Variants in NPAS3 observed in about 807,000 individuals in gnomAD.
NPAS3 encodes the protein neuronal PAS domain-containing protein 3.
A neutral mutation model predicts 73.1 loss-of-function variants in NPAS3; 14 were observed. The ratio of observed to expected loss-of-function variants is 0.19; its 90% confidence interval spans 0.13 to 0.30. The LOEUF (loss-of-function observed/expected upper bound fraction) is 0.30, where lower values mean the gene tolerates loss of function less well. Ranked by LOEUF, NPAS3 falls within the 10% of genes least tolerant of loss-of-function variation. The pLI, the probability that NPAS3 is intolerant of heterozygous loss-of-function variation, is 1.00. For synonymous variants in NPAS3, 620 were observed against 541.5 expected (o/e 1.14, Z -2.01); for missense variants, 1,096 against 1,250.0 (o/e 0.88, Z 1.86).
At chr14:33,695,993 A>G (rs1266993048) in intron 6 of NPAS3, among the ~76,000 whole-genome samples, 1 of 152,222 alleles carries the variant, frequency 6.6e-6, no homozygotes, top group Non-Finnish European at 1.5e-5. Context: ...CTCTCGAAGA[A>G]GAAATATTAC....
At chr14:33,397,011 A>T (rs2047253162) in intron 4 of NPAS3, among the ~76,000 whole-genome samples, 1 of 152,144 alleles carries the variant, frequency 6.6e-6, no homozygotes, top group Non-Finnish European at 1.5e-5. Flanking sequence ...TGGTGGTGGC[A>T]TTATTATAAC....
intron 3 of NPAS3, among the ~76,000 whole-genome samples, chr14:33,218,237 T>C (rs1001809870): frequency 6.6e-6 from 1 of 152,138 alleles, no homozygotes; most frequent in Non-Finnish European, 1.5e-5. Context: ...TTGGTACATA[T>C]TCACTTTCAC....
At chr14:33,548,637 T>C (rs2054961433) in intron 4 of NPAS3, among the ~76,000 whole-genome samples, 1 of 152,258 alleles carries the variant, frequency 6.6e-6, no homozygotes, top group Admixed American at 6.5e-5. Context: ...CAGCGATTAC[T>C]CAGGTGTGTT....
chr14:33,430,503 T>C (rs920411242), intron 4 of NPAS3, among the ~76,000 whole-genome samples: 3 of 152,072 alleles, frequency 2.0e-5, no homozygotes, highest in African/African-American at 7.2e-5. Context: ...CGAGTTCTAA[T>C]AGGATTTTTC....
chr14:33,320,658 C>A lies in NPAS3; in HGVS notation c.386-46528C>A, dbSNP rs147484930. Among the ~76,000 whole-genome samples, 130 of 152,278 alleles carry A rather than the reference C, an allele frequency of 8.5e-4. 1 individual carries two copies. The highest frequency in any genetic ancestry group is 6.8e-3 in the Middle Eastern group (2 of 294). ...AGGACAGGAACCATGATGTTTACAC[C>A]TGTGTCACCCACAGCACCTGACATG... On this transcript the variant is annotated intron_variant, in intron 3 of 11. Coordinates refer to ENST00000356141, the Ensembl canonical transcript of NPAS3.
chr14:33,725,313 T>G (rs1304351581), intron 6 of NPAS3, among the ~76,000 whole-genome samples: 1 of 152,042 alleles, frequency 6.6e-6, no homozygotes, highest in Non-Finnish European at 1.5e-5. Context: ...TATTACCACA[T>G]AGTAAGCTAT....
At chr14:33,300,897 C>A (rs953983175) in intron 3 of NPAS3, among the ~76,000 whole-genome samples, 1 of 152,150 alleles carries the variant, frequency 6.6e-6, no homozygotes, top group Non-Finnish European at 1.5e-5. Context: ...CCCAGCACCC[C>A]TCAGAGGCAG....
chr14:33,080,885 G>T (rs2041842728), intron 2 of NPAS3, among the ~76,000 whole-genome samples: 1 of 152,184 alleles, frequency 6.6e-6, no homozygotes, highest in Non-Finnish European at 1.5e-5. Context: ...GCTTAACAAA[G>T]AGAATGTTGT....
At chr14:33,674,205 A>C (rs1210168392) in intron 5 of NPAS3, among the ~76,000 whole-genome samples, 1 of 152,152 alleles carries the variant, frequency 6.6e-6, no homozygotes, top group Non-Finnish European at 1.5e-5. Context: ...GGCTTACATG[A>C]ACATTCAATA....
chr14:33,080,740 C>G (rs576411337), intron 2 of NPAS3, among the ~76,000 whole-genome samples: 1 of 152,104 alleles, frequency 6.6e-6, no homozygotes, highest in African/African-American at 2.4e-5. Flanking sequence ...AGCATTGTTG[C>G]GTGAAGTGTG....
chr14:33,044,653 T>A lies in NPAS3; in HGVS notation c.51-11252T>A, dbSNP rs542589939. ...TCAGAATTCTAAGAGTGAGTTAGTTTGTTTTTTTTTTTTTTGGCGGGGAGG... is the reference window on the plus strand; with the variant it reads ...TCAGAATTCTAAGAGTGAGTTAGTTAGTTTTTTTTTTTTTTGGCGGGGAGG... On this transcript the variant is annotated intron_variant, in intron 1 of 11. Transcript: ENST00000356141. Among the ~76,000 whole-genome samples, 110 of 141,866 alleles carry A rather than the reference T, an allele frequency of 7.8e-4. 2 individuals carry two copies. Among genetic ancestry groups the A allele is most frequent in the South Asian group, 7.2e-3 (33 of 4,592 alleles). The allele number at this position is 141,866 out of a possible 152,430, so 93.1% of individuals were successfully genotyped here. A position where few individuals can be genotyped will look rare whatever the true frequency, so the allele number is the denominator to read the frequency against.
intron 1 of NPAS3, among the ~76,000 whole-genome samples, chr14:32,996,332 G>C (rs2038569525): frequency 6.6e-6 from 1 of 152,184 alleles, no homozygotes; most frequent in Non-Finnish European, 1.5e-5. Context: ...TGTGATAGAA[G>C]AGAAAATCCC....
chr14:33,393,341 CA>C (rs1230233915), intron 4 of NPAS3, among the ~76,000 whole-genome samples: 1 of 152,124 alleles, frequency 6.6e-6, no homozygotes, highest in East Asian at 1.9e-4. Flanking sequence ...GGATGTACTA[CA>C]AAAACAGGTG....
intron 3 of NPAS3, among the ~76,000 whole-genome samples, chr14:33,244,351 ATTTAC>A (rs1000806427): frequency 1.3e-5 from 2 of 152,084 alleles, no homozygotes; most frequent in South Asian, 2.1e-4. Context: ...AATTGCATTT[ATTTAC>A]TTTATCAGTC....
intron 6 of NPAS3, among the ~76,000 whole-genome samples, chr14:33,679,201 G>A (rs1334378170): frequency 1.3e-5 from 2 of 152,186 alleles, no homozygotes; most frequent in Non-Finnish European, 2.9e-5. Flanking sequence ...GATGGTGAAT[G>A]TGACTCTCAC....
chr14:33,529,776 C>G (rs1166150061), intron 4 of NPAS3, among the ~76,000 whole-genome samples: 2 of 151,594 alleles, frequency 1.3e-5, no homozygotes, highest in Admixed American at 1.3e-4. Context: ...AAACAAAGAC[C>G]ATGTCAACTC....
Position 33,177,157 on chromosome 14 carries a change from C to T in NPAS3, c.141-38025C>T, listed in dbSNP as rs145828697. 8.6e-3 allele frequency among the ~76,000 whole-genome samples: 1,293 copies of T among 149,634 alleles called. 15 individuals carry two copies. The highest frequency in any genetic ancestry group is 0.03 in the African/African-American group (1,237 of 40,656). On this transcript the variant is annotated intron_variant, in intron 2 of 11. Transcript: ENST00000356141. The stretch of plus-strand genomic sequence containing the variant: ...CTGTTGCCAGGCTGGAGTGCAGTGG[C>T]GCAGTCTCGACTCGGTGCAACCTCC...
intron 4 of NPAS3, among the ~76,000 whole-genome samples, chr14:33,428,619 C>G (rs1406961455): frequency 6.6e-6 from 1 of 152,056 alleles, no homozygotes; most frequent in Non-Finnish European, 1.5e-5. Context: ...TGAAAATGAT[C>G]CATTCACACT....
At chr14:32,949,418 A>C (rs550447999) in intron 1 of NPAS3, among the ~76,000 whole-genome samples, 2 of 152,202 alleles carry the variant, frequency 1.3e-5, no homozygotes, top group African/African-American at 4.8e-5. Flanking sequence ...TGTATCAATC[A>C]CTGTGAAGGG....
Sources: gnomAD v4.1 joint callset for allele counts (sites outside exome capture counted in the v4.1 genomes callset) on GRCh38, gnomAD v4.1.1 for gene constraint, MANE v1.5 for transcripts, NCBI Gene and HGNC (gene_info 2026-07-23, HGNC 2026-07-21) for gene names.